Variants in ERMARD observed in about 807,000 individuals in gnomAD.
The protein encoded by ERMARD is ER membrane associated RNA degradation.
Under a neutral mutation model 83.9 loss-of-function variants are expected in ERMARD, and 71 were observed. That is an observed-to-expected ratio of 0.85 (90% CI 0.70 to 1.03). ERMARD has a LOEUF of 1.03. ERMARD is among the 50% of genes least tolerant of loss of function. ERMARD has a pLI of 0.00. For synonymous variants in ERMARD, 284 were observed against 298.6 expected (o/e 0.95, Z 0.50); for missense variants, 838 against 810.9 (o/e 1.03, Z -0.41).
intron 10 of ERMARD, 105 bp downstream of exon 10, chr6:169,766,772 T>G (rs1035308163): frequency 1.6e-6 from 2 of 1,246,430 alleles, no homozygotes; most frequent in African/African-American, 3.1e-5. Context: ...AATCATATAC[T>G]TACAGGAAAA....
chr6:169,755,042 G>T (rs1339348721), intron 2 of ERMARD, among the ~76,000 whole-genome samples: 1 of 151,844 alleles, frequency 6.6e-6, no homozygotes, highest in Non-Finnish European at 1.5e-5. Context: ...GTTTTCTCTT[G>T]TTTGAAACTT....
rs754965323 is a variant in ERMARD, at chr6:169,774,757, AT to A, written c.1318-512del. ...GTCTTGTGGCCTGACCTGGGCGTTG[AT>A]GGCTGTGGTCCCCCAGGGCTTCGTG... is the stretch of plus-strand genomic sequence containing the variant. On this transcript the variant is annotated intron_variant, in intron 13 of 17. Coordinates refer to ENST00000366773, the MANE Select transcript of ERMARD (RefSeq NM_018341.3). Among the ~76,000 whole-genome samples, 94 of 152,252 alleles carry A rather than the reference AT, an allele frequency of 6.2e-4. 1 individual carries two copies. The highest frequency in any genetic ancestry group is 7.5e-4 in the Non-Finnish European group (51 of 68,020).
intron 12 of ERMARD, 94 bp from the exon 13 acceptor site, chr6:169,773,225 T>G: frequency 1.5e-5 from 14 of 956,264 alleles, no homozygotes; most frequent in Non-Finnish European, 2.1e-5. Context: ...AGAAAGATAA[T>G]GAGAAATGGG....
Position 169,779,302 on chromosome 6 carries a change from G to A in ERMARD, c.1853+7G>A, listed in dbSNP as rs1793943611. ...AGTATCAGCAGTACCTAAAGTAAGT[G>A]TGTCACAGTATGTCTGCAGTCACAT... is the stretch of plus-strand genomic sequence containing the variant. On this transcript the variant is annotated splice_region_variant and intron_variant, in intron 17 of 17. Transcript: ENST00000366773. 2 of 1,611,774 alleles carry A rather than the reference G, an allele frequency of 1.2e-6. No individual in the cohort carries two copies. The highest frequency in any genetic ancestry group is 3.3e-5 in the Admixed American group (2 of 60,024).
intron 16 of ERMARD, among the ~76,000 whole-genome samples, chr6:169,777,046 G>A (rs1234200813): frequency 6.6e-6 from 1 of 152,166 alleles, no homozygotes; most frequent in Admixed American, 6.5e-5. Context: ...CAAAGGTGGG[G>A]GCCTTCCAGG....
chr6:169,763,429 T>C (rs145693481), intron 9 of ERMARD, among the ~76,000 whole-genome samples: 11 of 152,342 alleles, frequency 7.2e-5, no homozygotes, highest in African/African-American at 2.6e-4. Context: ...AGAGCAAAGA[T>C]TGGTGCATGC....
chr6:169,751,549 C>G, upstream of ERMARD: 1 of 1,610,842 alleles, frequency 6.2e-7, no homozygotes, highest in Non-Finnish European at 8.5e-7. Flanking sequence ...AAGTCTCCCA[C>G]CTGCGCCTCG....
chr6:169,773,613 T>C (rs1793238869), intron 13 of ERMARD, among the ~76,000 whole-genome samples: 2 of 152,314 alleles, frequency 1.3e-5, no homozygotes, highest in Admixed American at 1.3e-4. Context: ...TTGAAAGTAA[T>C]GCGGTGCTGA....
intron 12 of ERMARD, chr6:169,771,054 A>G (rs994546845): frequency 7.0e-6 from 1 of 143,282 alleles, no homozygotes; most frequent in South Asian, 2.2e-4. Context: ...TGATACTTCT[A>G]TTTTTTCTTT....
At chr6:169,769,301 C>G (rs1434100636) in intron 11 of ERMARD, among the ~76,000 whole-genome samples, 2 of 152,154 alleles carry the variant, frequency 1.3e-5, no homozygotes, top group African/African-American at 4.8e-5. Context: ...AAGGTGAAAA[C>G]AAGAAAGACT....
At chr6:169,777,626 T>C (rs1793745825) in intron 16 of ERMARD, among the ~76,000 whole-genome samples, 2 of 152,188 alleles carry the variant, frequency 1.3e-5, no homozygotes, top group Admixed American at 6.5e-5. Flanking sequence ...TTGAGGTATA[T>C]ATGAACTCTA....
chr6:169,771,315 C>G (rs1376138590), intron 12 of ERMARD: 2 of 152,020 alleles, frequency 1.3e-5, no homozygotes, highest in Non-Finnish European at 2.9e-5. Context: ...GAACTCCTGA[C>G]CTTGTGATCC....
intron 16 of ERMARD, 147 bp from the exon 17 acceptor site, chr6:169,779,035 G>A (rs1793906906): frequency 4.1e-6 from 3 of 729,914 alleles, no homozygotes; most frequent in African/African-American, 1.7e-5. Context: ...GGGGCTGGAA[G>A]CAGGCATTGG....
At chr6:169,775,551 C>T (rs1283896240) in intron 14 of ERMARD, among the ~76,000 whole-genome samples, 6 of 152,196 alleles carry the variant, frequency 3.9e-5, no homozygotes. Context: ...GGAGACTGAA[C>T]ATGGAACGAG....
rs186226723 is a variant in ERMARD at position 169,758,277 on chromosome 6, C to T, written c.508-691C>T. On this transcript the variant is annotated intron_variant, in intron 5 of 17. Coordinates refer to ENST00000366773, the MANE Select transcript of ERMARD (RefSeq NM_018341.3). ...CTCCTATGACATGAATTCTTTTAGT[C>T]TTTGAACATCTTCCATTATGTTCTG... Among the ~76,000 whole-genome samples the T allele has an allele frequency of 7.4e-3, 1,123 of 152,330 alleles. 7 individuals carry two copies. The highest frequency in any genetic ancestry group is 0.011 in the African/African-American group (453 of 41,582).
intron 16 of ERMARD, among the ~76,000 whole-genome samples, chr6:169,778,153 A>G (rs1373355695): frequency 1.3e-5 from 2 of 152,250 alleles, no homozygotes; most frequent in African/African-American, 2.4e-5. Context: ...TGCCGAACCC[A>G]TAACGAATGT....
rs755182131 is a variant in ERMARD, at chr6:169,781,507, C to G, written c.2031C>G (p.Leu677=). ...CCAAGAAATCCACAAGTAAAGTACTCTTATGAAAACTTGTAAGTCAGGATG... is the reference window on the plus strand; with the variant it reads ...CCAAGAAATCCACAAGTAAAGTACTGTTATGAAAACTTGTAAGTCAGGATG... The part of the protein sequence containing the change: ...HLAKKSTSKV[L]L The change falls in exon 18 of 18, where the codon CTC becomes CTG. Residue 677 remains leucine, a synonymous_variant. Coordinates refer to ENST00000366773, the MANE Select transcript of ERMARD (RefSeq NM_018341.3). The G allele has an allele frequency of 3.8e-6, 6 of 1,584,840 alleles. No individual in the cohort carries two copies. The highest frequency in any genetic ancestry group is 5.1e-6 in the Non-Finnish European group (6 of 1,167,286).
At chr6:169,760,092 G>C in intron 7 of ERMARD, 118 bp downstream of exon 7, 1 of 1,514,258 alleles carries the variant, frequency 6.6e-7, no homozygotes, top group Non-Finnish European at 8.8e-7. Flanking sequence ...TTCAGTAGTC[G>C]GATGGCTTTC....
Position 169,779,361 on chromosome 6 carries a change from G to A in ERMARD, c.1853+66G>A, listed in dbSNP as rs1420138116. 2.8e-6 allele frequency: 4 copies of A among 1,405,434 alleles called. No homozygotes were observed. In the African/African-American group the frequency reaches 5.7e-5, roughly 20 times the overall value. The allele number at this position is 1,405,434 out of a possible 1,614,324, so 87.1% of individuals were successfully genotyped here. ...GGGGCAGATTGCGGGTGAGCCTGTAGGAGTGAGATTGGGGCAGTGTGAGTG... is the reference window on the plus strand; with the variant it reads ...GGGGCAGATTGCGGGTGAGCCTGTAAGAGTGAGATTGGGGCAGTGTGAGTG... On this transcript the variant is annotated intron_variant, in intron 17 of 17. Transcript: ENST00000366773.
Sources: allele counts gnomAD v4.1 joint callset (sites outside exome capture counted in the v4.1 genomes callset), GRCh38; gene constraint gnomAD v4.1.1; transcripts MANE v1.5; gene names NCBI Gene and HGNC (gene_info 2026-07-23, HGNC 2026-07-21).